The following MGST1 variants were observed in gnomAD, a reference collection of about 807,000 sequenced individuals.
The protein encoded by MGST1 is microsomal glutathione S-transferase 1, also known as glutathione S-transferase 12.
In MGST1, 5 loss-of-function variants were observed where a neutral mutation model predicts 8.9. That is an observed-to-expected ratio of 0.56 (90% CI 0.29 to 1.19). The LOEUF (loss-of-function observed/expected upper bound fraction) is 1.19. Among genes scored for constraint, MGST1 ranks in the 50% most tolerant of loss-of-function variants. The probability of loss-of-function intolerance (pLI) is 0.08; values close to 1 mark genes in which losing one functional copy is unlikely to be tolerated. For missense variants in MGST1, 182 were observed against 187.4 expected (o/e 0.97, Z 0.17); for synonymous variants, 54 against 67.8 (o/e 0.80, Z 1.00).
At chr12:16,491,161 A>G (rs1253797226) in intron 4 of MGST1, among the ~76,000 whole-genome samples, 2 of 152,230 alleles carry the variant, frequency 1.3e-5, no homozygotes, top group Non-Finnish European at 2.9e-5. Context: ...AAGAAAAATC[A>G]TCTAACATTA....
intron 4 of MGST1, among the ~76,000 whole-genome samples, chr12:16,505,285 AT>A (rs1941530453): frequency 6.6e-6 from 1 of 152,150 alleles, no homozygotes; most frequent in African/African-American, 2.4e-5. Flanking sequence ...ATAAAGTTTT[AT>A]ATTCTGTGTC....
chr12:16,399,733 G>A (rs1940636720), intron 1 of MGST1: 1 of 1,160,906 alleles, frequency 8.6e-7, no homozygotes, highest in African/African-American at 1.5e-5. Flanking sequence ...GTCCAGTTGA[G>A]GGACTGTACT....
At chr12:16,481,219 A>G (rs1941362365) in intron 4 of MGST1, among the ~76,000 whole-genome samples, 1 of 152,224 alleles carries the variant, frequency 6.6e-6, no homozygotes, top group African/African-American at 2.4e-5. Flanking sequence ...AATTTTCAGT[A>G]TCTACATGGT....
At chr12:16,400,093 G>T in intron 1 of MGST1, 1 of 1,568,750 alleles carries the variant, frequency 6.4e-7, no homozygotes, top group Non-Finnish European at 8.8e-7. Flanking sequence ...ATTCTAAAAG[G>T]CTGTTTTCAG....
chr12:16,402,154 T>G (rs983988405), intron 1 of MGST1: 1 of 1,540,182 alleles, frequency 6.5e-7, no homozygotes, highest in Non-Finnish European at 9.0e-7. Context: ...CCCTTAGTGT[T>G]GGCAATTTGT....
At chr12:16,451,697 T>C (rs1366447022) in intron 4 of MGST1, among the ~76,000 whole-genome samples, 1 of 151,928 alleles carries the variant, frequency 6.6e-6, no homozygotes, top group Non-Finnish European at 1.5e-5. Context: ...GAAAAGGTTT[T>C]ATAAGTTCTT....
intron 1 of MGST1, among the ~76,000 whole-genome samples, chr12:16,415,475 T>TC (rs2080917342): frequency 6.6e-6 from 1 of 152,206 alleles, no homozygotes; most frequent in African/African-American, 2.4e-5. Context: ...GACCAACTCC[T>TC]CTACTTCCTC....
intron 1 of MGST1, among the ~76,000 whole-genome samples, chr12:16,387,919 C>T (rs923026141): frequency 6.6e-6 from 1 of 151,544 alleles, no homozygotes; most frequent in Non-Finnish European, 1.5e-5. Context: ...AGTACAGTAA[C>T]ATGCTACGTA....
rs1942300052 is a variant in MGST1 at position 16,559,200 on chromosome 12, T to C, written n.483-30328T>C. 2.6e-5 allele frequency among the ~76,000 whole-genome samples: 4 copies of C among 152,200 alleles called. No homozygotes were observed. In the South Asian group the frequency reaches 8.3e-4, roughly 31 times the overall value. On this transcript the variant is annotated intron_variant and non_coding_transcript_variant, in intron 4 of 4. Transcript: ENST00000538857. This position sits in a 1 kb window ranked among gnomAD's most constrained non-coding sequence, Gnocchi z 4.1. ...GTCAGTGAATTCATTTTCATTAAAA[T>C]CTATCAAGTGTTCTAATTTTTGAAA... is the stretch of plus-strand genomic sequence containing the variant.
chr12:16,420,340 T>G (rs915449167), intron 1 of MGST1, among the ~76,000 whole-genome samples: 1 of 152,212 alleles, frequency 6.6e-6, no homozygotes, highest in African/African-American at 2.4e-5. Flanking sequence ...ACGTTCATAA[T>G]CTAAGAAAAA....
chr12:16,426,675 G>A (rs1005420059), intron 1 of MGST1, among the ~76,000 whole-genome samples: 5 of 152,092 alleles, frequency 3.3e-5, no homozygotes, highest in Non-Finnish European at 5.9e-5. Flanking sequence ...GAACAAGGCC[G>A]GGCGCGTGGC....
At chr12:16,532,184 G>T (rs770701258) in intron 4 of MGST1, among the ~76,000 whole-genome samples, 6 of 152,118 alleles carry the variant, frequency 3.9e-5, no homozygotes, top group Non-Finnish European at 8.8e-5. Context: ...GTTACAGATT[G>T]CATCTTAAAG....
chr12:16,465,151 A>G lies in MGST1; in HGVS notation n.482+81547A>G, dbSNP rs1941245026. Among the ~76,000 whole-genome samples, 3 of 152,300 alleles carry G rather than the reference A, an allele frequency of 2.0e-5. No homozygotes were observed. The South Asian group carries it at 6.2e-4, about 32-fold the overall frequency. On this transcript the variant is annotated intron_variant and non_coding_transcript_variant, in intron 4 of 4. Transcript: ENST00000538857. ...TAATGGCAAGAGGAGGGGTGGTGGTATGGTTTGTGCTTGTACAGGGAAGAA... is the reference window on the plus strand; with the variant it reads ...TAATGGCAAGAGGAGGGGTGGTGGTGTGGTTTGTGCTTGTACAGGGAAGAA...
At chr12:16,507,441 C>A (rs1941545442) in intron 4 of MGST1, among the ~76,000 whole-genome samples, 2 of 151,860 alleles carry the variant, frequency 1.3e-5, no homozygotes, top group African/African-American at 4.8e-5. Flanking sequence ...GAAAAAAATG[C>A]CAGTTTGGAT....
exon 4 of MGST1, chr12:16,376,744 G>C (rs985032336): frequency 1.3e-5 from 2 of 152,028 alleles, no homozygotes; most frequent in African/African-American, 4.8e-5. Context: ...AATATTTTCA[G>C]ATATGATAAT....
chr12:16,353,043 T>TTTG (rs1939540373), intron 1 of MGST1, among the ~76,000 whole-genome samples: 1 of 152,052 alleles, frequency 6.6e-6, no homozygotes, highest in Non-Finnish European at 1.5e-5. Flanking sequence ...ATTTTTTTTT[T>TTTG]TGGAGGGGGA....
chr12:16,457,224 CA>C (rs1591734516), intron 4 of MGST1, among the ~76,000 whole-genome samples: 1 of 151,862 alleles, frequency 6.6e-6, no homozygotes, highest in African/African-American at 2.4e-5. Flanking sequence ...AGAATTACTC[CA>C]ATTACAGTCC....
chr12:16,443,546 A>G (rs1355099868), downstream of MGST1, among the ~76,000 whole-genome samples: 1 of 151,718 alleles, frequency 6.6e-6, no homozygotes, highest in African/African-American at 2.4e-5. Context: ...TGAAATTCTT[A>G]ACTTATTACA....
intron 1 of MGST1, among the ~76,000 whole-genome samples, chr12:16,418,374 A>G (rs1281271313): frequency 6.6e-6 from 1 of 152,176 alleles, no homozygotes; most frequent in Non-Finnish European, 1.5e-5. Flanking sequence ...AATGAGTGAA[A>G]AAACATCCGA....
Sources: allele counts gnomAD v4.1 joint callset (sites outside exome capture counted in the v4.1 genomes callset), GRCh38; gene constraint gnomAD v4.1.1; non-coding constraint Gnocchi (gnomAD v3.1); transcripts MANE v1.5; gene names NCBI Gene and HGNC (gene_info 2026-07-23, HGNC 2026-07-21).